CLPX: variants seen among roughly 807,000 people sequenced by gnomAD.
CLPX encodes ATP-dependent clpX-like chaperone, mitochondrial.
Under a neutral mutation model 76.4 loss-of-function variants are expected in CLPX, and 34 were observed. That is an observed-to-expected ratio of 0.45 (90% CI 0.34 to 0.59). The LOEUF (loss-of-function observed/expected upper bound fraction) is 0.59. Ranked by LOEUF, CLPX falls within the 20% of genes least tolerant of loss-of-function variation. CLPX has a pLI of 0.01. For missense variants in CLPX, 613 were observed against 757.0 expected (o/e 0.81, Z 2.23); for synonymous variants, 248 against 270.9 (o/e 0.92, Z 0.83).
At chr15:65,157,017 G>A (rs189199804) in intron 8 of CLPX, 85 bp from the exon 9 acceptor site, 6 of 785,284 alleles carry the variant, frequency 7.6e-6, no homozygotes, top group East Asian at 2.7e-5. Context: ...GGTAGCTAGA[G>A]AACAAAGTTA....
In CLPX at chr15:65,166,811, G is replaced by A. The variant is rs368112205; in HGVS notation, c.359-26C>T. 60 of 1,592,356 alleles carry A rather than the reference G, an allele frequency of 3.8e-5. No homozygotes were observed. In the African/African-American group the frequency reaches 6.3e-4, roughly 17 times the overall value. On this transcript the variant is annotated intron_variant, in intron 3 of 13. Coordinates refer to ENST00000300107, the MANE Select transcript of CLPX (RefSeq NM_006660.5). ...CTGTAAAAGAAAACAGACATAAGTA[G>A]AGGGAAATAAAAAATAATTCCAATA... is the stretch of plus-strand genomic sequence containing the variant.
rs767375051 is a variant in CLPX, at chr15:65,180,047, A to T, written c.237T>A (p.Asn79Lys). 6.3e-7 allele frequency: 1 copy of T among 1,599,182 alleles called. No individual in the cohort carries two copies. The change falls in exon 2 of 14, where the codon AAT becomes AAA. Residue 79 changes from asparagine (N) to lysine (K), a missense_variant. By Grantham distance (94) the Asn-to-Lys change is moderately conservative (BLOSUM62 0). Transcript: ENST00000300107. ...GCCAATAAGATAAAATAATTACCTT[A>T]TTTCCATCTCCAGAACCATCTTTAC... is the stretch of plus-strand genomic sequence containing the variant. ...GISKDGSGDGNKKSASEGSSK... is the reference protein window; with the variant it reads ...GISKDGSGDGKKKSASEGSSK...
intron 3 of CLPX, among the ~76,000 whole-genome samples, chr15:65,173,894 G>C (rs1397990134): frequency 6.6e-6 from 1 of 152,190 alleles, no homozygotes; most frequent in Admixed American, 6.5e-5. Context: ...GAGTGACTAA[G>C]GGCTATGGAG....
intron 1 of CLPX, among the ~76,000 whole-genome samples, chr15:65,181,619 G>A (rs534509120): frequency 2.0e-4 from 31 of 152,052 alleles, no homozygotes; most frequent in African/African-American, 7.5e-4. Context: ...CAGGCGTGGT[G>A]ACAGGTGCCT....
intron 3 of CLPX, among the ~76,000 whole-genome samples, chr15:65,168,068 T>A (rs1024436890): frequency 6.6e-5 from 10 of 151,746 alleles, no homozygotes; most frequent in African/African-American, 2.2e-4. Flanking sequence ...TAGTTTAAAG[T>A]GAGGATAAAA....
At chr15:65,160,592 TTCTCTCTC>T (rs1226717522) in intron 6 of CLPX, among the ~76,000 whole-genome samples, 11 of 118,520 alleles carry the variant, frequency 9.3e-5, no homozygotes, top group South Asian at 5.6e-4. Flanking sequence ...CATTCACTCA[TTCTCTCTC>T]TCTCTCTCTC....
intron 8 of CLPX, 75 bp downstream of exon 8, chr15:65,157,670 GA>G: frequency 2.0e-5 from 26 of 1,329,164 alleles, no homozygotes; most frequent in Non-Finnish European, 2.6e-5. Flanking sequence ...CTCAAAACAA[GA>G]ATTATATTGT....
chr15:65,178,336 T>TGAAATAAACACAAGTAAGC (rs2088116153), intron 3 of CLPX, among the ~76,000 whole-genome samples: 1 of 152,220 alleles, frequency 6.6e-6, no homozygotes, highest in Non-Finnish European at 1.5e-5. Context: ...AAATCTAATT[T>TGAAATAAACACAAGTAAGC]GAAATAAACA....
intron 3 of CLPX, among the ~76,000 whole-genome samples, chr15:65,169,369 TG>T (rs2087966296): frequency 6.6e-6 from 1 of 152,154 alleles, no homozygotes; most frequent in African/African-American, 2.4e-5. Flanking sequence ...CGAAAGTGCT[TG>T]GGATTACAGG....
At chr15:65,171,307 C>A (rs1040967885) in intron 3 of CLPX, among the ~76,000 whole-genome samples, 1 of 151,832 alleles carries the variant, frequency 6.6e-6, no homozygotes, top group Non-Finnish European at 1.5e-5. Context: ...ATTATCCGGG[C>A]GTGTTGTCTT....
In CLPX at chr15:65,153,636, C is replaced by T. The variant is rs774432272; in HGVS notation, c.1615G>A (p.Glu539Lys). 49 of 1,535,444 alleles carry T rather than the reference C, an allele frequency of 3.2e-5. No individual in the cohort carries two copies. Among genetic ancestry groups the T allele is most frequent in the Non-Finnish European group, 4.2e-5 (48 of 1,132,910 alleles). ...YQALFSMDKC[E>K]LNVTEDALKA... ...AAAGCATCCTCAGTAACATTCAGTT[C>T]ACACTACAAATACATTAAAAATAAA... Residue 539 changes from glutamate (E) to lysine (K), a missense_variant, in exon 12 of 14, where the codon GAA becomes AAA. Physicochemically the swap from Glu to Lys is moderately conservative, Grantham distance 56. Coordinates refer to ENST00000300107, the MANE Select transcript of CLPX (RefSeq NM_006660.5).
At position 65,150,596 on chromosome 15, in the gene CLPX, T is replaced by C; in HGVS notation, c.*227A>G. On this transcript the variant is annotated 3_prime_UTR_variant, in exon 14 of 14. Coordinates refer to ENST00000300107, the MANE Select transcript of CLPX (RefSeq NM_006660.5). ...TTTAAAAAACTGAACCAAAATAATG[T>C]ACATTTTATCTCTAAACATTGTGTC... is the stretch of plus-strand genomic sequence containing the variant. 1 of 340,882 alleles carries C rather than the reference T, an allele frequency of 2.9e-6. No homozygotes were observed. Among genetic ancestry groups the C allele is most frequent in the Non-Finnish European group, 5.3e-6 (1 of 190,476 alleles). 21.1% of individuals were successfully genotyped at this position (340,882 alleles called of 1,614,324 possible).
At chr15:65,158,257 A>C (rs565676384) in intron 7 of CLPX, 2 of 308,354 alleles carry the variant, frequency 6.5e-6, no homozygotes, top group South Asian at 1.3e-4. Flanking sequence ...CTTGGCCTCA[A>C]GTGATCCTCC....
At chr15:65,154,317 T>C (rs976171912) in intron 11 of CLPX, among the ~76,000 whole-genome samples, 1 of 152,198 alleles carries the variant, frequency 6.6e-6, no homozygotes, top group Non-Finnish European at 1.5e-5. Context: ...AAGAAGAGAC[T>C]GATATTTAGA....
At chr15:65,173,563 T>C (rs963625675) in intron 3 of CLPX, among the ~76,000 whole-genome samples, 5 of 152,052 alleles carry the variant, frequency 3.3e-5, no homozygotes, top group African/African-American at 1.2e-4. Context: ...CCAAGAGAGT[T>C]AGAAACATAT....
Position 65,150,690 on chromosome 15 carries a change from TCTC to T in CLPX, c.*130_*132del. On this transcript the variant is annotated 3_prime_UTR_variant, in exon 14 of 14. Transcript: ENST00000300107. The stretch of plus-strand genomic sequence containing the variant: ...ACAATTATATACATGATCTGATTCT[TCTC>T]CTAAAGGCTTCTCTGACCATGTATG... The T allele has an allele frequency of 2.0e-6, 1 of 502,638 alleles. No homozygotes were observed. The highest frequency in any genetic ancestry group is 3.5e-6 in the Non-Finnish European group (1 of 284,742). 31.1% of individuals were successfully genotyped at this position (502,638 alleles called of 1,614,324 possible).
chr15:65,182,002 A>G (rs1460445255), intron 1 of CLPX, among the ~76,000 whole-genome samples: 3 of 151,578 alleles, frequency 2.0e-5, no homozygotes, highest in Admixed American at 6.6e-5. Context: ...ACGCGCCTGT[A>G]GTCTCAGCTA....
At chr15:65,184,769 G>A (rs796972433) in intron 1 of CLPX, among the ~76,000 whole-genome samples, 3 of 152,358 alleles carry the variant, frequency 2.0e-5, no homozygotes, top group African/African-American at 7.2e-5. Context: ...TTTAATAACA[G>A]GAGCATTTTG....
At position 65,185,210 on chromosome 15, in the gene CLPX, G is replaced by A; in HGVS notation, c.-57C>T. The A allele has an allele frequency of 7.0e-7, 1 of 1,426,908 alleles. No homozygotes were observed. The highest frequency in any genetic ancestry group is 9.6e-7 in the Non-Finnish European group (1 of 1,039,310). 88.4% of individuals were successfully genotyped at this position (1,426,908 alleles called of 1,614,324 possible). ...CTGAGGACCTCCGGGTCACAGCGGC[G>A]TGAATCCTGCCCGCAAGGCGCGCTG... On this transcript the variant is annotated 5_prime_UTR_variant, in exon 1 of 14. It adds an upstream start codon to the 5' untranslated region. Transcript: ENST00000300107.
Sources: allele counts gnomAD v4.1 joint callset (sites outside exome capture counted in the v4.1 genomes callset), GRCh38; gene constraint gnomAD v4.1.1; transcripts MANE v1.5; gene names NCBI Gene and HGNC (gene_info 2026-07-23, HGNC 2026-07-21).